Variants in MAP3K4 observed in about 807,000 individuals in gnomAD.
MAP3K4 encodes the protein MAP three kinase 1.
In MAP3K4, 67 loss-of-function variants were observed where a neutral mutation model predicts 185.6. The ratio of observed to expected loss-of-function variants is 0.36; its 90% CI spans 0.30 to 0.44. The LOEUF is 0.44. MAP3K4 is among the 20% of genes least tolerant of loss of function. The pLI, the probability that MAP3K4 is intolerant of heterozygous loss-of-function variation, is 1.00. For missense variants in MAP3K4, 1,551 were observed against 1,995.1 expected (o/e 0.78, Z 4.24); for synonymous variants, 702 against 710.4 (o/e 0.99, Z 0.19).
intron 2 of MAP3K4, among the ~76,000 whole-genome samples, chr6:161,045,569 GCA>G (rs1247115172): frequency 6.6e-6 from 1 of 152,154 alleles, no homozygotes; most frequent in Non-Finnish European, 1.5e-5. Flanking sequence ...GGTAAGTGTA[GCA>G]CAGATTTGGA....
At chr6:161,032,331 G>A (rs1023058580) in intron 1 of MAP3K4, among the ~76,000 whole-genome samples, 1 of 152,300 alleles carries the variant, frequency 6.6e-6, no homozygotes, top group Non-Finnish European at 1.5e-5. Context: ...CCCTCACTGA[G>A]CACAGTGACC....
intron 1 of MAP3K4, among the ~76,000 whole-genome samples, chr6:161,025,377 G>A (rs1340673369): frequency 6.6e-6 from 1 of 152,184 alleles, no homozygotes; most frequent in Non-Finnish European, 1.5e-5. Flanking sequence ...AGATTTTTGT[G>A]CCCAGGTTGT....
chr6:161,090,270 T>C (rs1172541738), intron 11 of MAP3K4, among the ~76,000 whole-genome samples: 1 of 152,240 alleles, frequency 6.6e-6, no homozygotes, highest in African/African-American at 2.4e-5. Context: ...GATGGAGACC[T>C]TGTGTGCACT....
chr6:161,095,516 T>G (rs1562536554), intron 15 of MAP3K4, among the ~76,000 whole-genome samples: 1 of 152,258 alleles, frequency 6.6e-6, no homozygotes, highest in Non-Finnish European at 1.5e-5. Flanking sequence ...AGCTTCCATA[T>G]TTTCTATAGA....
In MAP3K4 at chr6:161,093,210, C is replaced by T. The variant is rs1246505160; in HGVS notation, c.3348+154C>T. Among the ~76,000 whole-genome samples, 2 of 152,072 alleles carry T rather than the reference C, an allele frequency of 1.3e-5. No individual in the cohort carries two copies. Among genetic ancestry groups the T allele is most frequent in the Non-Finnish European group, 2.9e-5 (2 of 68,018 alleles). On this transcript the variant is annotated intron_variant, in intron 14 of 26. Transcript: ENST00000392142. The surrounding 1 kb of genome is among the most constrained non-coding windows in gnomAD (Gnocchi z 5.2). ...ATAATGCTGAGAAATTAAAGTACTC[C>T]TCATAGCAGAGTAAGATTTTTTTTC... is the stretch of plus-strand genomic sequence containing the variant.
intron 5 of MAP3K4, among the ~76,000 whole-genome samples, chr6:161,079,821 A>G (rs1056356819): frequency 3.3e-5 from 5 of 152,234 alleles, no homozygotes; most frequent in African/African-American, 1.2e-4. Flanking sequence ...ACTCAGACAC[A>G]GTGAACGATA....
chr6:160,999,860 G>GA (rs888139497), intron 1 of MAP3K4, among the ~76,000 whole-genome samples: 5 of 152,076 alleles, frequency 3.3e-5, no homozygotes, highest in Non-Finnish European at 5.9e-5. Flanking sequence ...TTTGTTTTTA[G>GA]AAAAAAATGC....
At chr6:161,041,894 G>A (rs1422394478) in intron 2 of MAP3K4, among the ~76,000 whole-genome samples, 1 of 146,964 alleles carries the variant, frequency 6.8e-6, no homozygotes, top group Non-Finnish European at 1.5e-5. Context: ...GGAGGGTAAA[G>A]GCCTTGAGTT....
At chr6:161,000,930 C>CATAT (rs149735167) in intron 1 of MAP3K4, among the ~76,000 whole-genome samples, 17 of 145,148 alleles carry the variant, frequency 1.2e-4, no homozygotes, top group African/African-American at 4.1e-4. Flanking sequence ...GTATAATATG[C>CATAT]ATATATATGC....
chr6:160,995,395 C>T (rs1477280144), intron 1 of MAP3K4, among the ~76,000 whole-genome samples: 1 of 152,220 alleles, frequency 6.6e-6, no homozygotes, highest in Non-Finnish European at 1.5e-5. Flanking sequence ...TGTGTTAATG[C>T]ACAGGCCTTT....
intron 3 of MAP3K4, among the ~76,000 whole-genome samples, chr6:161,057,963 A>G (rs902413889): frequency 1.3e-5 from 2 of 152,278 alleles, no homozygotes; most frequent in African/African-American, 4.8e-5. Flanking sequence ...GATAGAAGTC[A>G]TCAACTTTGA....
intron 3 of MAP3K4, among the ~76,000 whole-genome samples, chr6:161,052,542 C>G (rs1292354100): frequency 1.3e-5 from 2 of 152,142 alleles, no homozygotes; most frequent in African/African-American, 4.8e-5. Context: ...AATTTTGGTT[C>G]ATAAGATGCT....
At chr6:161,042,785 G>A (rs1783539957) in intron 2 of MAP3K4, among the ~76,000 whole-genome samples, 2 of 152,172 alleles carry the variant, frequency 1.3e-5, no homozygotes, top group Non-Finnish European at 2.9e-5. Flanking sequence ...CCAGGGCATT[G>A]CTGGGCGATC....
At chr6:160,992,232 C>A in intron 1 of MAP3K4, 149 bp downstream of exon 1, 2 of 1,127,736 alleles carry the variant, frequency 1.8e-6, no homozygotes, top group Non-Finnish European at 2.4e-6. Flanking sequence ...CGCGGTGCAT[C>A]CCTGGGTCCC....
Position 161,114,346 on chromosome 6 carries a change from A to G in MAP3K4, c.4627-777A>G, listed in dbSNP as rs1304020953. On this transcript the variant is annotated intron_variant, in intron 25 of 26. Coordinates refer to ENST00000392142, the MANE Select transcript of MAP3K4 (RefSeq NM_005922.4). This position sits in a 1 kb window ranked among gnomAD's most constrained non-coding sequence, Gnocchi z 4.3. ...TACAGTATTATAGCAAAAAAGTTAGAAACCTTCATTTCTAAGTTAAAAGTT... is the reference window on the plus strand; with the variant it reads ...TACAGTATTATAGCAAAAAAGTTAGGAACCTTCATTTCTAAGTTAAAAGTT... 6.6e-6 allele frequency among the ~76,000 whole-genome samples: 1 copy of G among 152,252 alleles called. No homozygotes were observed. The highest frequency in any genetic ancestry group is 1.5e-5 in the Non-Finnish European group (1 of 68,048).
At chr6:161,012,424 C>G (rs1781892771) in intron 1 of MAP3K4, among the ~76,000 whole-genome samples, 1 of 152,108 alleles carries the variant, frequency 6.6e-6, no homozygotes, top group Admixed American at 6.5e-5. Context: ...GCCCTGCCTT[C>G]AGAGAATTTA....
At chr6:161,045,881 T>A (rs1783708764) in intron 2 of MAP3K4, among the ~76,000 whole-genome samples, 1 of 152,158 alleles carries the variant, frequency 6.6e-6, no homozygotes, top group African/African-American at 2.4e-5. Context: ...TTTATTTGGG[T>A]GTACATAATA....
Position 161,110,000 on chromosome 6 carries a change from C to G in MAP3K4, c.4396+86C>G. ...GTGCTCTGAAGACGCTCATCCCATT[C>G]CCACATATGATTTCTCTAGATGGAA... On this transcript the variant is annotated intron_variant, in intron 23 of 26. Coordinates refer to ENST00000392142, the MANE Select transcript of MAP3K4 (RefSeq NM_005922.4). This position sits in a 1 kb window ranked among gnomAD's most constrained non-coding sequence, Gnocchi z 5.7. 1 of 1,372,312 alleles carries G rather than the reference C, an allele frequency of 7.3e-7. No homozygotes were observed. Among genetic ancestry groups the G allele is most frequent in the South Asian group, 1.2e-5 (1 of 82,376 alleles). 85.0% of individuals were successfully genotyped at this position (1,372,312 alleles called of 1,614,324 possible).
chr6:161,088,618 C>T lies in MAP3K4; in HGVS notation c.2823+664C>T, dbSNP rs536069334. ...GTGACAGCTAATATAAATTCAGCCT[C>T]CCATCTTTCCAGTTAATACCTTGCC... On this transcript the variant is annotated intron_variant, in intron 10 of 26. Coordinates refer to ENST00000392142, the MANE Select transcript of MAP3K4 (RefSeq NM_005922.4). The surrounding 1 kb of genome is among the most constrained non-coding windows in gnomAD (Gnocchi z 4.5). 6.6e-5 allele frequency among the ~76,000 whole-genome samples: 10 copies of T among 152,326 alleles called. No homozygotes were observed. The South Asian group carries it at 2.1e-3, about 32-fold the overall frequency.
Sources: allele counts gnomAD v4.1 joint callset (sites outside exome capture counted in the v4.1 genomes callset), GRCh38; gene constraint gnomAD v4.1.1; non-coding constraint Gnocchi (gnomAD v3.1); transcripts MANE v1.5; gene names NCBI Gene and HGNC (gene_info 2026-07-23, HGNC 2026-07-21).